IL1RAP: variants seen among roughly 807,000 people sequenced by gnomAD.
The protein encoded by IL1RAP is interleukin-1 receptor accessory protein.
In IL1RAP, 35 loss-of-function variants were observed where a neutral mutation model predicts 60.7. The ratio of observed to expected loss-of-function variants is 0.58; its 90% CI spans 0.44 to 0.76. The LOEUF is 0.76. Ranked by LOEUF, IL1RAP falls within the 30% of genes least tolerant of loss-of-function variation. IL1RAP has a pLI of 0.00. For missense variants in IL1RAP, 572 were observed against 693.9 expected (o/e 0.82, Z 1.97); for synonymous variants, 268 against 250.9 (o/e 1.07, Z -0.64).
At chr3:190,569,185 A>T (rs1194388155) in intron 3 of IL1RAP, among the ~76,000 whole-genome samples, 1 of 152,236 alleles carries the variant, frequency 6.6e-6, no homozygotes, top group Non-Finnish European at 1.5e-5. Flanking sequence ...GAATGTCCAC[A>T]TTTAATGTAT....
intron 5 of IL1RAP, among the ~76,000 whole-genome samples, chr3:190,618,929 G>A (rs1319520633): frequency 5.9e-5 from 9 of 152,106 alleles, no homozygotes; most frequent in Non-Finnish European, 1.3e-4. Context: ...TACAAAATGT[G>A]CCTCAATGTA....
At chr3:190,635,055 T>C (rs1323369079) in intron 9 of IL1RAP, among the ~76,000 whole-genome samples, 3 of 152,168 alleles carry the variant, frequency 2.0e-5, no homozygotes, top group Non-Finnish European at 4.4e-5. Context: ...ATGAATTCAG[T>C]GTCCTTTTTA....
At chr3:190,654,818 C>T (rs770505724), downstream of IL1RAP, among the ~76,000 whole-genome samples, 9 of 152,180 alleles carry the variant, frequency 5.9e-5, no homozygotes, top group Non-Finnish European at 8.8e-5. Context: ...CAATTTTGAA[C>T]CTTTTTCCTT....
chr3:190,627,557 C>G, intron 8 of IL1RAP, 108 bp downstream of exon 8: 2 of 1,359,616 alleles, frequency 1.5e-6, no homozygotes, highest in South Asian at 1.7e-5. Flanking sequence ...TTCCCTATCA[C>G]TAACAAAAAT....
intron 3 of IL1RAP, among the ~76,000 whole-genome samples, chr3:190,593,544 A>G (rs1729122363): frequency 1.3e-5 from 2 of 152,224 alleles, no homozygotes; most frequent in South Asian, 4.1e-4. Context: ...CCAGTTCCAC[A>G]TGGCTAGGGA....
At chr3:190,595,852 C>T (rs1407041134) in intron 3 of IL1RAP, among the ~76,000 whole-genome samples, 1 of 152,150 alleles carries the variant, frequency 6.6e-6, no homozygotes, top group African/African-American at 2.4e-5. Context: ...CCTGTTATGA[C>T]AATTGGTTGA....
intron 5 of IL1RAP, 28 bp downstream of exon 5, chr3:190,609,209 C>G (rs370299722): frequency 1.4e-6 from 2 of 1,472,504 alleles, no homozygotes; most frequent in African/African-American, 2.8e-5. Flanking sequence ...ACATTTTATT[C>G]TCTCTAATGG....
At chr3:190,640,991 G>A (rs1452894058) in intron 9 of IL1RAP, among the ~76,000 whole-genome samples, 1 of 152,068 alleles carries the variant, frequency 6.6e-6, no homozygotes, top group Non-Finnish European at 1.5e-5. Context: ...TTGAGACAGA[G>A]TTTTGCTCTT....
chr3:190,649,106 T>C lies in IL1RAP; in HGVS notation c.*401T>C. The C allele has an allele frequency of 1.0e-6, 1 of 988,446 alleles. No individual in the cohort carries two copies. The highest frequency in any genetic ancestry group is 1.7e-5 in the African/African-American group (1 of 57,430). The allele number at this position is 988,446 out of a possible 1,614,324, so 61.2% of individuals were successfully genotyped here. A position where few individuals can be genotyped will look rare whatever the true frequency, so the allele number is the denominator to read the frequency against. The stretch of plus-strand genomic sequence containing the variant: ...TGACAGGGTCATGAGTTTCCGAGTA[T>C]AGTTTTCTTTTTATCTTATTTTTAC... On this transcript the variant is annotated 3_prime_UTR_variant, in exon 12 of 12. Coordinates refer to ENST00000447382, the MANE Select transcript of IL1RAP (RefSeq NM_002182.4).
intron 1 of IL1RAP, chr3:190,517,713 C>T (rs545801560): frequency 6.6e-6 from 1 of 152,188 alleles, no homozygotes; most frequent in Non-Finnish European, 1.5e-5. Flanking sequence ...TATGTTTGCT[C>T]CTATAGGTAA....
At chr3:190,537,118 T>C (rs1403715666) in intron 1 of IL1RAP, among the ~76,000 whole-genome samples, 2 of 152,176 alleles carry the variant, frequency 1.3e-5, no homozygotes, top group African/African-American at 4.8e-5. Flanking sequence ...CAAAGAGCGA[T>C]AATGTGATAT....
intron 9 of IL1RAP, among the ~76,000 whole-genome samples, chr3:190,642,762 A>G (rs1229217359): frequency 6.6e-6 from 1 of 152,188 alleles, no homozygotes; most frequent in Admixed American, 6.5e-5. Context: ...TATTAGCCAC[A>G]AAAGGGCAGA....
chr3:190,563,988 G>C, intron 2 of IL1RAP: 1 of 287,600 alleles, frequency 3.5e-6, no homozygotes. Context: ...TCTAGCCAAA[G>C]GATCGTGGTG....
chr3:190,629,312 ACT>A, intron 8 of IL1RAP, 36 bp from the exon 9 acceptor site: 2 of 1,449,300 alleles, frequency 1.4e-6, no homozygotes. Flanking sequence ...CTCTTGAGTC[ACT>A]CTCAAATGCT....
At chr3:190,628,420 A>G (rs938939802) in intron 8 of IL1RAP, among the ~76,000 whole-genome samples, 6 of 152,220 alleles carry the variant, frequency 3.9e-5, no homozygotes, top group Admixed American at 3.3e-4. Flanking sequence ...TTCATAGGAT[A>G]GCAGTGGCGT....
chr3:190,527,400 G>A (rs760939269), intron 1 of IL1RAP, among the ~76,000 whole-genome samples: 3 of 152,148 alleles, frequency 2.0e-5, no homozygotes, highest in Non-Finnish European at 4.4e-5. Flanking sequence ...TGTTTTGCAG[G>A]GCTGTGGTGA....
At chr3:190,563,199 A>G (rs994761430) in intron 2 of IL1RAP, among the ~76,000 whole-genome samples, 2 of 152,174 alleles carry the variant, frequency 1.3e-5, no homozygotes, top group Non-Finnish European at 2.9e-5. Flanking sequence ...GCTGCTGCAT[A>G]CCTGTGGTTG....
intron 4 of IL1RAP, among the ~76,000 whole-genome samples, chr3:190,607,270 C>CTGTATGTGTA: frequency 6.6e-6 from 1 of 152,124 alleles, no homozygotes; most frequent in South Asian, 2.1e-4. Flanking sequence ...CACATAGACT[C>CTGTATGTGTA]CTTATCCCAT....
intron 1 of IL1RAP, among the ~76,000 whole-genome samples, chr3:190,533,097 GA>G (rs1213643202): frequency 1.1e-4 from 16 of 152,138 alleles, no homozygotes; most frequent in African/African-American, 3.9e-4. Context: ...TGAAATACTG[GA>G]ACTGCTGTAT....
Sources: gnomAD v4.1 joint callset for allele counts (sites outside exome capture counted in the v4.1 genomes callset) on GRCh38, gnomAD v4.1.1 for gene constraint, MANE v1.5 for transcripts, NCBI Gene and HGNC (gene_info 2026-07-23, HGNC 2026-07-21) for gene names.